Variants in PDE4D observed in about 807,000 individuals in gnomAD.
PDE4D encodes the protein 3',5'-cyclic-AMP phosphodiesterase 4D.
Under a neutral mutation model 87.4 loss-of-function variants are expected in PDE4D, and 24 were observed. The observed-to-expected ratio is 0.27, with a 90% confidence interval of 0.20 to 0.39. The LOEUF (loss-of-function observed/expected upper bound fraction) is 0.39, where lower values mean the gene tolerates loss of function less well. PDE4D is among the 10% of genes least tolerant of loss of function. The probability of loss-of-function intolerance (pLI) is 1.00; values close to 1 mark genes in which losing one functional copy is unlikely to be tolerated. For missense variants in PDE4D, 714 were observed against 1,041.0 expected, an observed-to-expected ratio of 0.69 and a Z score of 4.32; for synonymous variants, 384 against 383.2, an observed-to-expected ratio of 1.00 and a Z score of -0.02.
At chr5:59,284,192 G>A (rs961694388) in intron 1 of PDE4D, among the ~76,000 whole-genome samples, 2 of 152,096 alleles carry the variant, frequency 1.3e-5, no homozygotes, top group African/African-American at 4.8e-5. Flanking sequence ...TCTGAATTAG[G>A]TGTCTGGCCA....
intron 3 of PDE4D, among the ~76,000 whole-genome samples, chr5:59,934,292 T>C (rs771917779): frequency 5.9e-5 from 9 of 152,138 alleles, no homozygotes; most frequent in Non-Finnish European, 1.0e-4. Context: ...GTAAAAGGCA[T>C]TGAGTTTTGT....
At chr5:60,320,215 G>C (rs1338341514) in intron 1 of PDE4D, among the ~76,000 whole-genome samples, 2 of 152,216 alleles carry the variant, frequency 1.3e-5, no homozygotes, top group African/African-American at 2.4e-5. Flanking sequence ...CTGCCGCCTT[G>C]CAGTTTGAAC....
intron 1 of PDE4D, among the ~76,000 whole-genome samples, chr5:60,237,600 C>T (rs922895985): frequency 6.6e-6 from 1 of 151,850 alleles, no homozygotes. Flanking sequence ...TAGGTGGTTA[C>T]CAGGGATTAG....
chr5:60,374,095 C>G (rs936351404), intron 1 of PDE4D, among the ~76,000 whole-genome samples: 2 of 152,134 alleles, frequency 1.3e-5, no homozygotes, highest in African/African-American at 2.4e-5. Context: ...TGTCACCAAG[C>G]CTTCCTTTCC....
At chr5:59,773,619 C>A (rs375219566) in intron 1 of PDE4D, among the ~76,000 whole-genome samples, 36 of 152,140 alleles carry the variant, frequency 2.4e-4, no homozygotes, top group African/African-American at 8.7e-4. Context: ...TGTCTTCTTT[C>A]AATATGAAGA....
intron 1 of PDE4D, among the ~76,000 whole-genome samples, chr5:60,435,683 CAAG>C (rs1744703375): frequency 6.7e-6 from 1 of 149,590 alleles, no homozygotes; most frequent in African/African-American, 2.5e-5. Flanking sequence ...AATGAAGATT[CAAG>C]AAGATGAATG....
At chr5:59,568,105 T>C (rs1401873129) in intron 1 of PDE4D, among the ~76,000 whole-genome samples, 3 of 152,166 alleles carry the variant, frequency 2.0e-5, no homozygotes, top group East Asian at 1.9e-4. Context: ...AGGAGTTATA[T>C]TGTTGATAAG....
chr5:59,361,828 A>T (rs1346335202), intron 1 of PDE4D, among the ~76,000 whole-genome samples: 1 of 152,242 alleles, frequency 6.6e-6, no homozygotes, highest in African/African-American at 2.4e-5. Flanking sequence ...GGCATCTTAA[A>T]AATAAGATGG....
rs539705322 is a variant in PDE4D at position 59,240,645 on chromosome 5, T to C, written c.456-24677A>G. On this transcript the variant is annotated intron_variant, in intron 1 of 14. Transcript: ENST00000340635. ...ACCCTGCTCTGGACTCTGGAGAACA[T>C]TGTATCTGTTTATGTCATTCTAAAA... is the stretch of plus-strand genomic sequence containing the variant. Among the ~76,000 whole-genome samples, 18 of 152,276 alleles carry C rather than the reference T, an allele frequency of 1.2e-4. No individual in the cohort carries two copies. In the South Asian group the frequency reaches 3.7e-3, roughly 32 times the overall value.
intron 1 of PDE4D, among the ~76,000 whole-genome samples, chr5:59,460,347 G>A (rs1800579470): frequency 6.6e-6 from 1 of 152,142 alleles, no homozygotes; most frequent in African/African-American, 2.4e-5. Context: ...TCTTCCCTTT[G>A]TGGAAGACAT....
chr5:59,568,640 C>T (rs1821338865), intron 1 of PDE4D, among the ~76,000 whole-genome samples: 1 of 152,020 alleles, frequency 6.6e-6, no homozygotes, highest in Admixed American at 6.6e-5. Flanking sequence ...GGTCTCTCTC[C>T]CCAAAACACT....
chr5:60,377,124 G>A (rs928229225), intron 1 of PDE4D, among the ~76,000 whole-genome samples: 1 of 152,202 alleles, frequency 6.6e-6, no homozygotes, highest in Non-Finnish European at 1.5e-5. Context: ...TGTGCCTCCT[G>A]TGAGCTCACT....
chr5:59,709,252 T>C (rs1372580299), intron 1 of PDE4D, among the ~76,000 whole-genome samples: 1 of 152,114 alleles, frequency 6.6e-6, no homozygotes, highest in Non-Finnish European at 1.5e-5. Flanking sequence ...AAGCATAAAA[T>C]TCCTAAGAAC....
intron 1 of PDE4D, among the ~76,000 whole-genome samples, chr5:59,237,284 C>A (rs959460273): frequency 6.6e-6 from 1 of 152,158 alleles, no homozygotes; most frequent in Non-Finnish European, 1.5e-5. Flanking sequence ...ACTACCCCTT[C>A]CCAGCTATTT....
intron 2 of PDE4D, among the ~76,000 whole-genome samples, chr5:60,153,129 G>C (rs552623459): frequency 3.3e-5 from 5 of 152,154 alleles, no homozygotes; most frequent in South Asian, 2.1e-4. Context: ...CCATACATCT[G>C]ATAAGAGTTT....
At chr5:59,217,845 T>C in intron 1 of PDE4D, 2 of 283,952 alleles carry the variant, frequency 7.0e-6, no homozygotes, top group South Asian at 6.3e-5. Flanking sequence ...CCAGGAAGGC[T>C]GGAAGGGGAG....
At chr5:59,870,529 A>G (rs1439616805) in intron 1 of PDE4D, among the ~76,000 whole-genome samples, 2 of 152,242 alleles carry the variant, frequency 1.3e-5, no homozygotes, top group Non-Finnish European at 2.9e-5. Context: ...GAAAGCATAA[A>G]TATTTATTTG....
At chr5:59,037,035 T>G (rs1385576287) in intron 6 of PDE4D, among the ~76,000 whole-genome samples, 1 of 152,198 alleles carries the variant, frequency 6.6e-6, no homozygotes, top group Non-Finnish European at 1.5e-5. Flanking sequence ...TCTTATCTGG[T>G]GCCTTTAAAA....
chr5:59,095,148 A>G (rs1483206430), intron 5 of PDE4D, among the ~76,000 whole-genome samples: 1 of 152,042 alleles, frequency 6.6e-6, no homozygotes, highest in African/African-American at 2.4e-5. Flanking sequence ...TTTTCAAGTC[A>G]TCAGAAACAT....
Sources: gnomAD v4.1 joint callset for allele counts (sites outside exome capture counted in the v4.1 genomes callset) on GRCh38, gnomAD v4.1.1 for gene constraint, MANE v1.5 for transcripts, NCBI Gene and HGNC (gene_info 2026-07-23, HGNC 2026-07-21) for gene names.